CGNL1: variants seen among roughly 807,000 people sequenced by gnomAD.
CGNL1 encodes the protein cingulin-like protein 1.
Under a neutral mutation model 141.2 loss-of-function variants are expected in CGNL1, and 132 were observed. The observed-to-expected ratio is 0.93, with a 90% confidence interval of 0.81 to 1.08. The LOEUF is 1.08. Ranked by LOEUF, CGNL1 falls within the 50% of genes least tolerant of loss-of-function variation. The probability of loss-of-function intolerance (pLI) is 0.00; values close to 1 mark genes in which losing one functional copy is unlikely to be tolerated. For missense variants in CGNL1, 1,870 were observed against 1,588.6 expected (o/e 1.18, Z -3.01); for synonymous variants, 690 against 622.1 (o/e 1.11, Z -1.63).
Position 57,547,604 on chromosome 15 carries a change from T to C in CGNL1, c.*114T>C. On this transcript the variant is annotated 3_prime_UTR_variant, in exon 19 of 19. Transcript: ENST00000281282. ...CCACTGAGACCAATCACAGCCTCTT[T>C]GCACAGCATGCCAGCTCCTCAGTGT... The C allele has an allele frequency of 8.4e-7, 1 of 1,187,174 alleles. No homozygotes were observed. The allele number at this position is 1,187,174 out of a possible 1,614,324, so 73.5% of individuals were successfully genotyped here. A position where few individuals can be genotyped will look rare whatever the true frequency, so the allele number is the denominator to read the frequency against.
intron 12 of CGNL1, among the ~76,000 whole-genome samples, chr15:57,528,425 G>A (rs1422729088): frequency 2.0e-5 from 3 of 152,096 alleles, no homozygotes; most frequent in African/African-American, 7.2e-5. Flanking sequence ...CTACCAAATA[G>A]AATTTGTAAC....
chr15:57,499,252 T>TA (rs1567155110), intron 8 of CGNL1, among the ~76,000 whole-genome samples: 1 of 113,048 alleles, frequency 8.8e-6, no homozygotes, highest in African/African-American at 2.7e-5. Flanking sequence ...TTTTTTTTTT[T>TA]TTTTTTTTTT....
chr15:57,445,367 C>G (rs1467459317), intron 4 of CGNL1, among the ~76,000 whole-genome samples: 1 of 152,192 alleles, frequency 6.6e-6, no homozygotes. Context: ...TTAATTGCCA[C>G]GTTTTCCTAC....
chr15:57,500,516 C>T (rs961739582), intron 8 of CGNL1, among the ~76,000 whole-genome samples: 1 of 152,200 alleles, frequency 6.6e-6, no homozygotes, highest in African/African-American at 2.4e-5. Flanking sequence ...CGTCAGGCCC[C>T]TCCTGAGCTG....
intron 1 of CGNL1, among the ~76,000 whole-genome samples, chr15:57,436,069 G>C (rs2063101843): frequency 6.6e-6 from 1 of 152,170 alleles, no homozygotes; most frequent in Non-Finnish European, 1.5e-5. Flanking sequence ...CAAATCTTGG[G>C]TCAAAGCAGA....
chr15:57,530,525 G>T (rs2031890521), intron 13 of CGNL1, among the ~76,000 whole-genome samples: 1 of 152,176 alleles, frequency 6.6e-6, no homozygotes, highest in Admixed American at 6.5e-5. Flanking sequence ...GACATTTTCT[G>T]TAAACTCAGG....
intron 8 of CGNL1, among the ~76,000 whole-genome samples, chr15:57,508,830 C>G (rs554955884): frequency 1.3e-5 from 2 of 152,306 alleles, no homozygotes; most frequent in South Asian, 4.1e-4. Context: ...GTCCTGGGTC[C>G]CACTCCAGAC....
At chr15:57,464,791 C>T (rs1305299110) in intron 8 of CGNL1, among the ~76,000 whole-genome samples, 1 of 149,202 alleles carries the variant, frequency 6.7e-6, no homozygotes, top group Non-Finnish European at 1.5e-5. Flanking sequence ...GCTCTGTCAC[C>T]CTGGTTGGAG....
intron 8 of CGNL1, among the ~76,000 whole-genome samples, chr15:57,515,693 A>T (rs776281550): frequency 6.6e-6 from 1 of 152,214 alleles, no homozygotes; most frequent in Non-Finnish European, 1.5e-5. Context: ...GACCTCTGGA[A>T]TCAACAATAA....
intron 8 of CGNL1, among the ~76,000 whole-genome samples, chr15:57,492,073 T>G (rs147115980): frequency 1.3e-5 from 2 of 152,328 alleles, no homozygotes; most frequent in African/African-American, 4.8e-5. Flanking sequence ...TCCAGATATT[T>G]CCAGTCAGAG....
At chr15:57,490,159 C>T (rs1440848082) in intron 8 of CGNL1, among the ~76,000 whole-genome samples, 1 of 152,158 alleles carries the variant, frequency 6.6e-6, no homozygotes, top group African/African-American at 2.4e-5. Flanking sequence ...CAGGAATTCT[C>T]ATAGTGGCTG....
intron 2 of CGNL1, among the ~76,000 whole-genome samples, chr15:57,439,987 G>C (rs2063164876): frequency 2.0e-5 from 3 of 151,974 alleles, no homozygotes; most frequent in African/African-American, 7.3e-5. Flanking sequence ...GAGTGACTGG[G>C]TTAATTTCTA....
chr15:57,532,601 T>G (rs986429990), intron 14 of CGNL1, among the ~76,000 whole-genome samples: 3 of 152,358 alleles, frequency 2.0e-5, no homozygotes, highest in African/African-American at 7.2e-5. Flanking sequence ...AAGGATCAAA[T>G]GTAAGTGAAA....
At chr15:57,461,562 G>C in intron 7 of CGNL1, 118 bp from the exon 8 acceptor site, 1 of 793,888 alleles carries the variant, frequency 1.3e-6, no homozygotes, top group Non-Finnish European at 2.2e-6. Flanking sequence ...TGGAAGGAGA[G>C]AGTGGCAAGG....
intron 8 of CGNL1, among the ~76,000 whole-genome samples, chr15:57,470,177 A>C (rs1196519759): frequency 6.6e-6 from 1 of 151,088 alleles, no homozygotes; most frequent in Admixed American, 6.6e-5. Flanking sequence ...GCCTGCCTAG[A>C]GTGACATGGA....
chr15:57,475,399 C>A (rs756445897), intron 8 of CGNL1, among the ~76,000 whole-genome samples: 1 of 152,002 alleles, frequency 6.6e-6, no homozygotes, highest in Non-Finnish European at 1.5e-5. Flanking sequence ...TCCTGACCTG[C>A]AAGAAAGGAC....
chr15:57,461,729 A>G lies in CGNL1; in HGVS notation c.2240A>G (p.Glu747Gly), dbSNP rs756671374. ...QDLQDLLIAKEEQEDLLRKRE... is the reference protein window; with the variant it reads ...QDLQDLLIAKGEQEDLLRKRE... ...CTTCAAGATCTGCTGATTGCCAAAG[A>G]GGAGCAAGAAGACCTCTTGAGAAAG... Residue 747 changes from glutamate (E) to glycine (G), a missense_variant, in exon 8 of 19, where the codon GAG becomes GGG. Coordinates refer to ENST00000281282, the MANE Select transcript of CGNL1 (RefSeq NM_032866.5). 14 of 1,614,046 alleles carry G rather than the reference A, an allele frequency of 8.7e-6. No individual in the cohort carries two copies. In the Admixed American group the frequency reaches 1.0e-4, roughly 12 times the overall value.
intron 1 of CGNL1, among the ~76,000 whole-genome samples, chr15:57,423,667 C>T (rs917098045): frequency 1.3e-5 from 2 of 152,162 alleles, no homozygotes; most frequent in African/African-American, 4.8e-5. Context: ...CTTCTTGCAT[C>T]CCCAGCTTCT....
chr15:57,474,326 T>C (rs532273841), intron 8 of CGNL1, among the ~76,000 whole-genome samples: 16 of 152,294 alleles, frequency 1.1e-4, no homozygotes, highest in Admixed American at 2.0e-4. Context: ...TGATAGAACA[T>C]TTTGACAAAC....
Sources: allele counts gnomAD v4.1 joint callset (sites outside exome capture counted in the v4.1 genomes callset), GRCh38; gene constraint gnomAD v4.1.1; transcripts MANE v1.5; gene names NCBI Gene and HGNC (gene_info 2026-07-23, HGNC 2026-07-21).